ADAMTS6: variants seen among roughly 807,000 people sequenced by gnomAD.
The protein encoded by ADAMTS6 is ADAM metallopeptidase with thrombospondin type 1 motif 6.
A neutral mutation model predicts 144.3 loss-of-function variants in ADAMTS6; 23 were observed. The ratio of observed to expected loss-of-function variants is 0.16; its 90% CI spans 0.11 to 0.23. The LOEUF (loss-of-function observed/expected upper bound fraction) is 0.23, where lower values mean the gene tolerates loss of function less well. Among genes scored for constraint, ADAMTS6 ranks in the 10% least tolerant of loss-of-function variants. The pLI, the probability that ADAMTS6 is intolerant of heterozygous loss-of-function variation, is 1.00. For missense variants in ADAMTS6, 999 were observed against 1,379.6 expected, an observed-to-expected ratio of 0.72 and a Z score of 4.37; for synonymous variants, 444 against 457.5, an observed-to-expected ratio of 0.97 and a Z score of 0.38.
intron 23 of ADAMTS6, among the ~76,000 whole-genome samples, chr5:65,172,535 C>G (rs1002805534): frequency 6.6e-6 from 1 of 152,048 alleles, no homozygotes; most frequent in Non-Finnish European, 1.5e-5. Flanking sequence ...GTTTTGGTAG[C>G]TTGTTCAGAT....
chr5:65,152,913 T>C (rs1287976520), intron 24 of ADAMTS6, among the ~76,000 whole-genome samples: 1 of 152,212 alleles, frequency 6.6e-6, no homozygotes, highest in African/African-American at 2.4e-5. Context: ...CCACCCTCAT[T>C]TTTCCAGGTA....
intron 20 of ADAMTS6, among the ~76,000 whole-genome samples, chr5:65,204,401 A>G (rs1457106299): frequency 6.6e-6 from 1 of 152,212 alleles, no homozygotes; most frequent in Non-Finnish European, 1.5e-5. Context: ...CAATCTCAAG[A>G]GTCAAGTTAT....
chr5:65,360,792 G>T (rs942270284), intron 7 of ADAMTS6, among the ~76,000 whole-genome samples: 1 of 152,126 alleles, frequency 6.6e-6, no homozygotes, highest in Non-Finnish European at 1.5e-5. Context: ...AATGTTATAA[G>T]AGTTCAAAAG....
At chr5:65,286,186 T>C (rs1741629373) in intron 11 of ADAMTS6, among the ~76,000 whole-genome samples, 1 of 152,238 alleles carries the variant, frequency 6.6e-6, no homozygotes, top group African/African-American at 2.4e-5. Flanking sequence ...CATACCTTTT[T>C]GCTGTCTGAA....
rs1752144802 is a variant in ADAMTS6, at chr5:65,151,698, C to G, written c.*138G>C. The G allele has an allele frequency of 3.0e-6, 2 of 669,740 alleles. No individual in the cohort carries two copies. The highest frequency in any genetic ancestry group is 5.0e-6 in the Non-Finnish European group (2 of 396,580). 41.5% of individuals were successfully genotyped at this position (669,740 alleles called of 1,614,324 possible). ...TAAAATAATATTGAAATTTTGTCAG[C>G]TAGGGCTGACCAGTGGTTACGTTTT... On this transcript the variant is annotated 3_prime_UTR_variant, in exon 25 of 25. Transcript: ENST00000381055.
chr5:65,410,131 A>G (rs186497806), intron 7 of ADAMTS6, among the ~76,000 whole-genome samples: 187 of 152,334 alleles, frequency 1.2e-3, no homozygotes, highest in Admixed American at 9.8e-4. Context: ...AAAATGTGGG[A>G]AAACACATCA....
intron 24 of ADAMTS6, among the ~76,000 whole-genome samples, chr5:65,168,229 A>T (rs1351885984): frequency 1.3e-5 from 2 of 148,742 alleles, no homozygotes; most frequent in East Asian, 2.0e-4. Context: ...AAGCATTCCT[A>T]TACACCAACA....
At chr5:65,292,594 G>A (rs1239170513) in intron 10 of ADAMTS6, among the ~76,000 whole-genome samples, 1 of 151,902 alleles carries the variant, frequency 6.6e-6, no homozygotes, top group African/African-American at 2.4e-5. Flanking sequence ...TCTATAAAAA[G>A]GTATGTTCAC....
chr5:65,226,840 C>T (rs1304320036), intron 15 of ADAMTS6, among the ~76,000 whole-genome samples: 1 of 152,142 alleles, frequency 6.6e-6, no homozygotes, highest in East Asian at 1.9e-4. Flanking sequence ...GCTTTGGCCT[C>T]CCAAAGTGCT....
chr5:65,301,069 T>A (rs1321033167), intron 9 of ADAMTS6, among the ~76,000 whole-genome samples: 1 of 152,194 alleles, frequency 6.6e-6, no homozygotes, highest in African/African-American at 2.4e-5. Flanking sequence ...CGTAGCCTCC[T>A]TCATTTTTAA....
intron 7 of ADAMTS6, among the ~76,000 whole-genome samples, chr5:65,403,450 A>G (rs911350186): frequency 2.3e-4 from 35 of 152,268 alleles, no homozygotes; most frequent in African/African-American, 8.4e-4. Context: ...TAGCAAGATC[A>G]TGATCAAGAA....
intron 9 of ADAMTS6, among the ~76,000 whole-genome samples, chr5:65,322,906 C>A (rs921678366): frequency 1.3e-5 from 2 of 152,090 alleles, no homozygotes; most frequent in Non-Finnish European, 2.9e-5. Context: ...GCCAGAACTT[C>A]CAATACTAAG....
intron 7 of ADAMTS6, among the ~76,000 whole-genome samples, chr5:65,393,720 T>C (rs967152642): frequency 2.6e-5 from 4 of 152,204 alleles, no homozygotes; most frequent in Non-Finnish European, 5.9e-5. Context: ...TCCAAAACAA[T>C]ATTTAGGAGC....
At chr5:65,460,814 C>T (rs187176774) in intron 3 of ADAMTS6, among the ~76,000 whole-genome samples, 2 of 152,188 alleles carry the variant, frequency 1.3e-5, no homozygotes, top group Non-Finnish European at 2.9e-5. Flanking sequence ...ACGAAGAGAA[C>T]TCCAAATACC....
chr5:65,386,258 G>T (rs1752467684), intron 7 of ADAMTS6, among the ~76,000 whole-genome samples: 1 of 151,968 alleles, frequency 6.6e-6, no homozygotes, highest in South Asian at 2.1e-4. Flanking sequence ...AAAGTTGGGT[G>T]ATGAGTACAT....
At position 65,308,346 on chromosome 5, in the gene ADAMTS6, G is replaced by A. The variant is rs151260278; in HGVS notation, c.1224-8215C>T. On this transcript the variant is annotated intron_variant, in intron 9 of 24. Coordinates refer to ENST00000381055, the MANE Select transcript of ADAMTS6 (RefSeq NM_197941.4). ...AAGAAATAGAGAAGACAGTGCTAGC[G>A]GAGTGTGACTTATAAGGAAAAAATG... Among the ~76,000 whole-genome samples the A allele has an allele frequency of 1.7e-4, 26 of 152,180 alleles. No individual in the cohort carries two copies. In the East Asian group the frequency reaches 4.4e-3, roughly 26 times the overall value.
chr5:65,149,396 T>C lies in ADAMTS6; in HGVS notation c.*2440A>G, dbSNP rs375629656. 9 of 152,230 alleles carry C rather than the reference T, an allele frequency of 5.9e-5. No homozygotes were observed. Among genetic ancestry groups the C allele is most frequent in the African/African-American group, 1.7e-4 (7 of 41,454 alleles). The allele number at this position is 152,230 out of a possible 1,614,324, so 9.4% of individuals were successfully genotyped here. On this transcript the variant is annotated 3_prime_UTR_variant, in exon 25 of 25. Transcript: ENST00000381055. ...CTCAGGTTTCAATTCAAGGCTTACT[T>C]GAAACTGTTTCATCCTGTTACATTC...
chr5:65,479,710 G>A (rs1460776276), intron 1 of ADAMTS6, among the ~76,000 whole-genome samples: 4 of 152,164 alleles, frequency 2.6e-5, no homozygotes, highest in African/African-American at 9.7e-5. Context: ...TACTACTAGT[G>A]ATTACTAAGG....
intron 1 of ADAMTS6, 89 bp from the exon 2 acceptor site, chr5:65,474,041 A>G: frequency 5.2e-6 from 2 of 387,622 alleles, no homozygotes; most frequent in East Asian, 3.7e-5. Flanking sequence ...GCCAAAAGAC[A>G]TAACTACAAA....
Sources: gnomAD v4.1 joint callset for allele counts (sites outside exome capture counted in the v4.1 genomes callset) on GRCh38, gnomAD v4.1.1 for gene constraint, MANE v1.5 for transcripts, NCBI Gene and HGNC (gene_info 2026-07-23, HGNC 2026-07-21) for gene names.